Variants in PAN3 observed in about 807,000 individuals in gnomAD.
PAN3 encodes poly(A) specific ribonuclease subunit PAN3.
PAN3 carries 19 observed loss-of-function variants against 96.2 expected under a neutral mutation model. That is an observed-to-expected ratio of 0.20 (90% CI 0.14 to 0.29). The LOEUF (loss-of-function observed/expected upper bound fraction) is 0.29. Among genes scored for constraint, PAN3 ranks in the 10% least tolerant of loss-of-function variants. The pLI is 1.00. For missense variants in PAN3, 882 were observed against 1,108.1 expected (o/e 0.80, Z 2.90); for synonymous variants, 433 against 406.6 (o/e 1.06, Z -0.78).
At chr13:28,226,045 T>G (rs1162623242) in intron 6 of PAN3, among the ~76,000 whole-genome samples, 1 of 152,214 alleles carries the variant, frequency 6.6e-6, no homozygotes, top group Non-Finnish European at 1.5e-5. Context: ...CAGGAAACTC[T>G]TTGGAAACTG....
intron 4 of PAN3, among the ~76,000 whole-genome samples, chr13:28,188,900 G>A (rs1160218964): frequency 6.6e-6 from 1 of 152,194 alleles, no homozygotes; most frequent in Non-Finnish European, 1.5e-5. Context: ...TTATACAAGT[G>A]CTGGTATTTA....
intron 3 of PAN3, among the ~76,000 whole-genome samples, chr13:28,177,139 A>G (rs1323810506): frequency 6.6e-6 from 1 of 152,156 alleles, no homozygotes; most frequent in African/African-American, 2.4e-5. Context: ...TCAGAAATGA[A>G]GATAAATATT....
At position 28,272,015 on chromosome 13, in the gene PAN3, T is replaced by G; in HGVS notation, c.1993T>G (p.Leu665Val). 4.4e-6 allele frequency: 7 copies of G among 1,593,216 alleles called. No individual in the cohort carries two copies. The South Asian group carries it at 7.9e-5, about 18-fold the overall frequency. ...RVNCVGVFDVLTFDNSQNNNP... is the reference protein window; with the variant it reads ...RVNCVGVFDVVTFDNSQNNNP... The stretch of plus-strand genomic sequence containing the variant: ...AAATTGTGTTGGAGTTTTTGATGTT[T>G]TAACATTTGATAACAGTCAAAATAA... Residue 665 changes from leucine to valine, a missense_variant, in exon 14 of 19, where the codon TTA (leucine) becomes GTA (valine). Transcript: ENST00000380958.
At chr13:28,192,772 T>C (rs1877458649) in intron 4 of PAN3, among the ~76,000 whole-genome samples, 1 of 152,224 alleles carries the variant, frequency 6.6e-6, no homozygotes, top group Non-Finnish European at 1.5e-5. Flanking sequence ...AGATGTTTAG[T>C]TGAAAGTACA....
intron 6 of PAN3, among the ~76,000 whole-genome samples, chr13:28,234,632 T>G (rs913380246): frequency 1.1e-4 from 17 of 152,216 alleles, no homozygotes; most frequent in Admixed American, 1.0e-3. Context: ...ATTTTAGAAT[T>G]TATTAACTCT....
intron 1 of PAN3, among the ~76,000 whole-genome samples, chr13:28,167,082 A>ATTTT (rs1158467405): frequency 1.0e-4 from 12 of 118,352 alleles, no homozygotes; most frequent in African/African-American, 2.9e-4. Context: ...TTTTATCTTA[A>ATTTT]TTTTTTTTTT....
chr13:28,276,626 A>G (rs996880656), intron 14 of PAN3, among the ~76,000 whole-genome samples: 5 of 152,182 alleles, frequency 3.3e-5, no homozygotes, highest in Admixed American at 2.0e-4. Context: ...AAAATAGTCT[A>G]TTTGGAAACA....
At chr13:28,181,180 G>T (rs1249622523) in intron 4 of PAN3, among the ~76,000 whole-genome samples, 1 of 152,104 alleles carries the variant, frequency 6.6e-6, no homozygotes, top group Middle Eastern at 3.2e-3. Flanking sequence ...AGGCCCCTTA[G>T]TATCTTTAGG....
At chr13:28,187,992 C>T (rs1398970921) in intron 4 of PAN3, among the ~76,000 whole-genome samples, 3 of 152,140 alleles carry the variant, frequency 2.0e-5, no homozygotes, top group Non-Finnish European at 4.4e-5. Flanking sequence ...CCTCACCTGG[C>T]CCAATGAATG....
In PAN3 at chr13:28,220,292, A is replaced by G; in HGVS notation, c.914A>G (p.Asn305Ser). The change falls in exon 6 of 19, where the codon AAC (asparagine) becomes AGC (serine). Residue 305 changes from asparagine (N) to serine (S), a missense_variant. Asn to Ser is a conservative substitution (Grantham distance 46, BLOSUM62 1). Coordinates refer to ENST00000380958, the MANE Select transcript of PAN3 (RefSeq NM_175854.8). ...GGAGGATCAACCTCCAGGCTGAGTA[A>G]CGTGTCCCAGTCAAATATGTCTGCC... ...PKGGSTSRLSNVSQSNMSAFS... is the reference protein window; with the variant it reads ...PKGGSTSRLSSVSQSNMSAFS... The G allele has an allele frequency of 6.2e-7, 1 of 1,613,930 alleles. No homozygotes were observed. Among genetic ancestry groups the G allele is most frequent in the East Asian group, 2.2e-5 (1 of 44,870 alleles).
At chr13:28,144,055 C>G (rs183635414) in intron 1 of PAN3, among the ~76,000 whole-genome samples, 1 of 152,192 alleles carries the variant, frequency 6.6e-6, no homozygotes, top group Admixed American at 6.6e-5. Flanking sequence ...GTTCATTTCA[C>G]TCATTTAATA....
At chr13:28,143,327 C>T (rs1870130890) in intron 1 of PAN3, among the ~76,000 whole-genome samples, 1 of 152,120 alleles carries the variant, frequency 6.6e-6, no homozygotes, top group South Asian at 2.1e-4. Context: ...TATTCAACTG[C>T]ATTATCGATT....
At chr13:28,153,942 G>A (rs145361710) in intron 1 of PAN3, among the ~76,000 whole-genome samples, 1 of 152,134 alleles carries the variant, frequency 6.6e-6, no homozygotes, top group Non-Finnish European at 1.5e-5. Context: ...CGCATTACTA[G>A]AAAACAATAA....
rs574589502 is a variant in PAN3, at chr13:28,238,921, T to G, written c.1001-17371T>G. Among the ~76,000 whole-genome samples, 14 of 152,188 alleles carry G rather than the reference T, an allele frequency of 9.2e-5. No homozygotes were observed. In the South Asian group the frequency reaches 2.7e-3, roughly 29 times the overall value. On this transcript the variant is annotated intron_variant, in intron 6 of 18. Transcript: ENST00000380958. ...CTATGCATGTTGATTTTTTTTTGGG[T>G]TTAGACATAATAAGGAAGGCAAGCC...
intron 1 of PAN3, among the ~76,000 whole-genome samples, chr13:28,160,627 A>T (rs1872771765): frequency 1.3e-5 from 2 of 152,244 alleles, no homozygotes; most frequent in South Asian, 4.1e-4. Flanking sequence ...TAAAATGAGA[A>T]ATAACCATAT....
chr13:28,247,581 T>A (rs1884328314), intron 6 of PAN3, among the ~76,000 whole-genome samples: 1 of 152,200 alleles, frequency 6.6e-6, no homozygotes, highest in African/African-American at 2.4e-5. Flanking sequence ...AAGTCTTTAA[T>A]CCACTTTGAT....
At chr13:28,204,673 T>G (rs1879141027) in intron 5 of PAN3, among the ~76,000 whole-genome samples, 1 of 152,208 alleles carries the variant, frequency 6.6e-6, no homozygotes, top group Non-Finnish European at 1.5e-5. Context: ...CTTAATGTGT[T>G]TTTTCCTGTG....
chr13:28,289,650 G>A (rs528380574), intron 18 of PAN3, among the ~76,000 whole-genome samples: 2 of 152,296 alleles, frequency 1.3e-5, no homozygotes, highest in Admixed American at 6.5e-5. Flanking sequence ...GGGAGGCCAC[G>A]GCGGGCGGAT....
At chr13:28,216,476 T>C (rs1478212079) in intron 5 of PAN3, among the ~76,000 whole-genome samples, 1 of 152,192 alleles carries the variant, frequency 6.6e-6, no homozygotes, top group Non-Finnish European at 1.5e-5. Flanking sequence ...ATGTGCAGTG[T>C]ATTACATGTT....
Sources: allele counts gnomAD v4.1 joint callset (sites outside exome capture counted in the v4.1 genomes callset), GRCh38; gene constraint gnomAD v4.1.1; transcripts MANE v1.5; gene names NCBI Gene and HGNC (gene_info 2026-07-23, HGNC 2026-07-21).